The following GFM2 variants were observed in gnomAD, a reference collection of about 807,000 sequenced individuals.
The protein encoded by GFM2 is ribosome-releasing factor 2, mitochondrial.
A neutral mutation model predicts 95.4 loss-of-function variants in GFM2; 72 were observed. That is an observed-to-expected ratio of 0.76 (90% CI 0.62 to 0.92). The LOEUF is 0.92. Among genes scored for constraint, GFM2 ranks in the 40% least tolerant of loss-of-function variants. GFM2 has a pLI of 0.00. For synonymous variants in GFM2, 276 were observed against 317.5 expected (o/e 0.87, Z 1.39); for missense variants, 825 against 924.1 (o/e 0.89, Z 1.39).
intron 1 of GFM2, among the ~76,000 whole-genome samples, chr5:74,764,812 G>T (rs1435037240): frequency 1.5e-5 from 2 of 133,836 alleles, no homozygotes; most frequent in Non-Finnish European, 3.1e-5. Context: ...TTGAGACAGG[G>T]TCTTGCCCTG....
chr5:74,765,998 TCAAAA>T (rs1030150060), intron 1 of GFM2, among the ~76,000 whole-genome samples: 21 of 146,982 alleles, frequency 1.4e-4, no homozygotes, highest in African/African-American at 3.8e-4. Flanking sequence ...AAACTCCGTC[TCAAAA>T]CAAAACAAAA....
chr5:74,726,441 C>A (rs1330194288), intron 17 of GFM2, among the ~76,000 whole-genome samples: 1 of 152,078 alleles, frequency 6.6e-6, no homozygotes, highest in Non-Finnish European at 1.5e-5. Flanking sequence ...TGATTGAAAT[C>A]CTCTTAGTTA....
intron 19 of GFM2, among the ~76,000 whole-genome samples, chr5:74,724,654 G>A (rs995127559): frequency 2.6e-5 from 4 of 152,020 alleles, no homozygotes; most frequent in African/African-American, 7.3e-5. Flanking sequence ...AACTCATGTC[G>A]AAGAGATATC....
Position 74,740,063 on chromosome 5 carries a change from G to GT in GFM2, c.1004dup (p.Asn335LysfsTer19). The GT allele has an allele frequency of 6.2e-7, 1 of 1,606,678 alleles. No individual in the cohort carries two copies. Among genetic ancestry groups the GT allele is most frequent in the African/African-American group, 1.3e-5 (1 of 74,496 alleles). ...CATCTAACAAGGGCTGTATCCCTTTGTTTTTCAGGGCACTTCCACAAAGCA... is the reference window on the plus strand; with the variant it reads ...CATCTAACAAGGGCTGTATCCCTTTGTTTTTTCAGGGCACTTCCACAAAGCA... On this transcript the variant is annotated frameshift_variant, in exon 12 of 21. Transcript: ENST00000296805. LOFTEE classifies it high-confidence loss of function.
chr5:74,745,464 T>C (rs572872061), intron 10 of GFM2, among the ~76,000 whole-genome samples: 1 of 152,338 alleles, frequency 6.6e-6, no homozygotes, highest in African/African-American at 2.4e-5. Flanking sequence ...TTAGGTATTA[T>C]AAGTAATTTA....
intron 16 of GFM2, 82 bp from the exon 17 acceptor site, chr5:74,730,480 A>AT: frequency 1.1e-6 from 1 of 877,900 alleles, no homozygotes; most frequent in Non-Finnish European, 1.6e-6. Flanking sequence ...TGATGTTAAT[A>AT]CATACTTATT....
chr5:74,721,235 A>C lies in GFM2; in HGVS notation c.*420T>G. The stretch of plus-strand genomic sequence containing the variant: ...CTACAATCAACTTTATTTTGAAATC[A>C]TGTAAAATAAGATATTAGACTGTTT... On this transcript the variant is annotated 3_prime_UTR_variant, in exon 21 of 21. Coordinates refer to ENST00000296805, the MANE Select transcript of GFM2 (RefSeq NM_032380.5). The C allele has an allele frequency of 4.7e-6, 6 of 1,285,966 alleles. No homozygotes were observed. The highest frequency in any genetic ancestry group is 6.8e-6 in the Non-Finnish European group (6 of 882,084). The allele number at this position is 1,285,966 out of a possible 1,614,324, so 79.7% of individuals were successfully genotyped here.
chr5:74,757,283 A>G (rs1744034683), intron 5 of GFM2, among the ~76,000 whole-genome samples: 1 of 152,106 alleles, frequency 6.6e-6, no homozygotes, highest in Admixed American at 6.5e-5. Context: ...TCTTGGCATC[A>G]TAAGATTGTG....
chr5:74,737,110 A>G, intron 14 of GFM2, 125 bp from the exon 15 acceptor site: 1 of 855,090 alleles, frequency 1.2e-6, no homozygotes, highest in Non-Finnish European at 1.8e-6. Context: ...TAAAAGAGAA[A>G]TAAAATTCAA....
intron 15 of GFM2, chr5:74,736,354 C>T (rs1234043786): frequency 3.0e-6 from 3 of 983,970 alleles, no homozygotes; most frequent in Non-Finnish European, 2.4e-6. Context: ...AACAAAGTTA[C>T]TAACAAAAGG....
intron 1 of GFM2, among the ~76,000 whole-genome samples, chr5:74,764,429 G>A (rs1580032546): frequency 6.6e-6 from 1 of 152,154 alleles, no homozygotes; most frequent in Admixed American, 6.5e-5. Flanking sequence ...GGCCACATGC[G>A]GCCCACGATA....
Position 74,736,791 on chromosome 5 carries a change from T to C in GFM2, c.1510+5A>G, listed in dbSNP as rs757420641. ...AATTAGTTGACACACTAAGACCATT[T>C]ATACCTGGCTGCTTAGACAGTGATG... On this transcript the variant is annotated splice_donor_5th_base_variant and intron_variant, in intron 15 of 20. Transcript: ENST00000296805. The C allele has an allele frequency of 5.6e-6, 9 of 1,613,708 alleles. No individual in the cohort carries two copies. The South Asian group carries it at 6.6e-5, about 12-fold the overall frequency.
chr5:74,749,863 T>G (rs1743604424), intron 7 of GFM2, among the ~76,000 whole-genome samples: 1 of 152,180 alleles, frequency 6.6e-6, no homozygotes, highest in African/African-American at 2.4e-5. Flanking sequence ...TCTAAGAAAT[T>G]TTTACCTACC....
intron 15 of GFM2, chr5:74,733,335 G>T: frequency 2.7e-4 from 52 of 194,048 alleles, no homozygotes; most frequent in East Asian, 7.8e-4. Context: ...TACAAAAAAA[G>T]AAAAAAAAAA....
intron 15 of GFM2, among the ~76,000 whole-genome samples, chr5:74,735,864 C>T (rs1046486515): frequency 6.6e-6 from 1 of 152,172 alleles, no homozygotes; most frequent in African/African-American, 2.4e-5. Flanking sequence ...TACTAGCAGC[C>T]TTCCACTCTA....
Position 74,732,972 on chromosome 5 carries a change from ACACACACT to A in GFM2, c.1587+42_1587+49del, listed in dbSNP as rs1742649329. The A allele has an allele frequency of 9.8e-6, 9 of 918,560 alleles. No homozygotes were observed. In the East Asian group the frequency reaches 2.2e-4, roughly 23 times the overall value. 56.9% of individuals were successfully genotyped at this position (918,560 alleles called of 1,614,324 possible). A position where few individuals can be genotyped will look rare whatever the true frequency, so the allele number is the denominator to read the frequency against. ...CACACACACACACACACACACACACACACACACTCTTATAGAAAGGCTTCTGGAGTTTA... is the reference window on the plus strand; with the variant it reads ...CACACACACACACACACACACACACACTTATAGAAAGGCTTCTGGAGTTTA... On this transcript the variant is annotated intron_variant, in intron 16 of 20. Transcript: ENST00000296805.
intron 10 of GFM2, among the ~76,000 whole-genome samples, chr5:74,742,185 T>G (rs535615681): frequency 6.6e-6 from 1 of 152,226 alleles, no homozygotes; most frequent in South Asian, 2.1e-4. Context: ...AATGGGATCA[T>G]TCAGCTGACA....
chr5:74,739,242 C>T (rs982469548), intron 12 of GFM2, among the ~76,000 whole-genome samples: 3 of 152,152 alleles, frequency 2.0e-5, no homozygotes, highest in Admixed American at 6.5e-5. Flanking sequence ...GACAGAACTT[C>T]TCCAATCTTA....
At chr5:74,739,499 TG>T (rs1330449490) in intron 12 of GFM2, among the ~76,000 whole-genome samples, 8 of 152,178 alleles carry the variant, frequency 5.3e-5, no homozygotes, top group African/African-American at 1.9e-4. Flanking sequence ...AAGTTATTAA[TG>T]TCAGGATTAA....
Sources: gnomAD v4.1 joint callset for allele counts (sites outside exome capture counted in the v4.1 genomes callset) on GRCh38, gnomAD v4.1.1 for gene constraint, MANE v1.5 for transcripts, NCBI Gene and HGNC (gene_info 2026-07-23, HGNC 2026-07-21) for gene names.